Variants in ATG4B observed in about 807,000 individuals in gnomAD.
ATG4B encodes autophagy related 4B cysteine peptidase, also known as cysteine protease ATG4B.
Under a neutral mutation model 56.6 loss-of-function variants are expected in ATG4B, and 29 were observed. The observed-to-expected ratio is 0.51, with a 90% CI of 0.38 to 0.70. The LOEUF is 0.70. Among genes scored for constraint, ATG4B ranks in the 30% least tolerant of loss-of-function variants. The pLI, the probability that ATG4B is intolerant of heterozygous loss-of-function variation, is 0.00. For missense variants in ATG4B, 461 were observed against 515.5 expected (o/e 0.89, Z 1.02); for synonymous variants, 224 against 206.1 (o/e 1.09, Z -0.74).
chr2:241,653,800 A>G (rs917426677), intron 4 of ATG4B, among the ~76,000 whole-genome samples, 190 bp downstream of exon 4: 1 of 152,082 alleles, frequency 6.6e-6, no homozygotes, highest in Admixed American at 6.6e-5. Context: ...ATAAATCCGC[A>G]TGGGCAACAT....
intron 1 of ATG4B, among the ~76,000 whole-genome samples, chr2:241,645,076 T>C (rs1353897105): frequency 6.6e-6 from 1 of 152,166 alleles, no homozygotes; most frequent in East Asian, 1.9e-4. Context: ...TGGCTCCTCA[T>C]TGTGTCTTCC....
Position 241,651,425 on chromosome 2 carries a change from A to G in ATG4B, c.184+90A>G. 2.0e-6 allele frequency: 2 copies of G among 990,666 alleles called. No individual in the cohort carries two copies. Among genetic ancestry groups the G allele is most frequent in the East Asian group, 2.6e-5 (1 of 38,284 alleles). 61.4% of individuals were successfully genotyped at this position (990,666 alleles called of 1,614,324 possible). ...CTTGTAGATTTGACTTCAATATGCC[A>G]CTGACTTCATTTGAATCTTCACAGC... On this transcript the variant is annotated intron_variant, in intron 3 of 12. Transcript: ENST00000404914. This position sits in a 1 kb window ranked among gnomAD's most constrained non-coding sequence, Gnocchi z 4.1.
intron 7 of ATG4B, among the ~76,000 whole-genome samples, chr2:241,665,025 C>T (rs756580332): frequency 7.2e-5 from 11 of 152,020 alleles, no homozygotes; most frequent in Admixed American, 2.0e-4. Flanking sequence ...GAGGCTGAGG[C>T]GGGAGGATTG....
intron 6 of ATG4B, among the ~76,000 whole-genome samples, chr2:241,656,207 C>T (rs1183158423): frequency 6.6e-6 from 1 of 152,218 alleles, no homozygotes; most frequent in African/African-American, 2.4e-5. Context: ...CCACAGCCTG[C>T]TCCTCAGCAT....
At chr2:241,642,869 G>A (rs1176349370) in intron 1 of ATG4B, among the ~76,000 whole-genome samples, 3 of 49,828 alleles carry the variant, frequency 6.0e-5, no homozygotes, top group African/African-American at 3.6e-4. Context: ...GCACCTCTCC[G>A]TCCTTTTTTT....
chr2:241,637,731 A>C lies in ATG4B; in HGVS notation c.10+7A>C. 1 of 1,576,486 alleles carries C rather than the reference A, an allele frequency of 6.3e-7. No individual in the cohort carries two copies. The highest frequency in any genetic ancestry group is 2.5e-5 in the East Asian group (1 of 39,758). ...ACTGGGAAGATGGACGCAGGTGAGG[A>C]GTTGCCGGGGGTCGGTCTTTCCGCA... On this transcript the variant is annotated splice_region_variant and intron_variant, in intron 1 of 12. Transcript: ENST00000404914.
rs143067813 is a variant in ATG4B, at chr2:241,651,433, C to T, written c.184+98C>T. On this transcript the variant is annotated intron_variant, in intron 3 of 12. Transcript: ENST00000404914. The surrounding 1 kb of genome is among the most constrained non-coding windows in gnomAD (Gnocchi z 4.1). ...TTTGACTTCAATATGCCACTGACTT[C>T]ATTTGAATCTTCACAGCAATCCTGC... The T allele has an allele frequency of 3.4e-3, 3,099 of 921,616 alleles. 10 individuals are homozygous for T. The highest frequency in any genetic ancestry group is 4.6e-3 in the Non-Finnish European group (2,777 of 598,766). The allele number at this position is 921,616 out of a possible 1,614,324, so 57.1% of individuals were successfully genotyped here. A position where few individuals can be genotyped will look rare whatever the true frequency, so the allele number is the denominator to read the frequency against.
intron 1 of ATG4B, among the ~76,000 whole-genome samples, chr2:241,650,036 G>A (rs927200442): frequency 2.6e-5 from 4 of 152,054 alleles, no homozygotes; most frequent in East Asian, 1.9e-4. Context: ...TGCCCACCTC[G>A]GCCTCCCAGA....
Position 241,653,548 on chromosome 2 carries a change from G to A in ATG4B, c.221G>A (p.Cys74Tyr), listed in dbSNP as rs1470862162. 1.3e-6 allele frequency: 2 copies of A among 1,583,398 alleles called. No individual in the cohort carries two copies. The highest frequency in any genetic ancestry group is 1.3e-5 in the African/African-American group (1 of 74,386). ...TGPTSDTGWG[C>Y]MLRCGQMIFA... ...CCCACCTCGGACACAGGCTGGGGCT[G>A]CATGCTGCGGTGTGGACAGATGATC... Residue 74 changes from cysteine to tyrosine, a missense_variant, in exon 4 of 13, where the codon TGC becomes TAC. Physicochemically the swap from Cys to Tyr is radical, Grantham distance 194. Transcript: ENST00000404914.
chr2:241,650,702 C>T (rs904676643), intron 1 of ATG4B, among the ~76,000 whole-genome samples: 3 of 152,088 alleles, frequency 2.0e-5, no homozygotes, highest in South Asian at 4.1e-4. Context: ...CTCTCACCCT[C>T]GTGTCAGCTG....
chr2:241,640,917 C>T (rs749928897), intron 1 of ATG4B, among the ~76,000 whole-genome samples: 2 of 152,254 alleles, frequency 1.3e-5, no homozygotes, highest in East Asian at 1.9e-4. Flanking sequence ...AGTGAGGACT[C>T]AGTGTTTATT....
intron 12 of ATG4B, chr2:241,671,767 G>A (rs567699340): frequency 4.3e-5 from 55 of 1,289,018 alleles, no homozygotes; most frequent in South Asian, 7.8e-5. Flanking sequence ...CATGGGTGGC[G>A]TAGACCCCTC....
At position 241,642,871 on chromosome 2, in the gene ATG4B, C is replaced by CTTTTTTTTTTTTTTTTTTTTTTTTTTT. The variant is rs1321613822; in HGVS notation, c.10+5147_10+5148insTTTTTTTTTTTTTTTTTTTTTTTTTTT. Among the ~76,000 whole-genome samples the CTTTTTTTTTTTTTTTTTTTTTTTTTTT allele has an allele frequency of 6.1e-5, 6 of 98,428 alleles. 3 individuals carry two copies. The highest frequency in any genetic ancestry group is 8.5e-5 in the African/African-American group (2 of 23,504). 64.6% of individuals were successfully genotyped at this position (98,428 alleles called of 152,430 possible). ...CTTAAGGTGTACAGCACCTCTCCGT[C>CTTTTTTTTTTTTTTTTTTTTTTTTTTT]CTTTTTTTTTTTTTTTTTTTTTTTT... On this transcript the variant is annotated intron_variant, in intron 1 of 12. Transcript: ENST00000404914.
chr2:241,647,808 C>G (rs1008197900), intron 1 of ATG4B, among the ~76,000 whole-genome samples: 6 of 151,864 alleles, frequency 4.0e-5, no homozygotes, highest in Non-Finnish European at 7.4e-5. Flanking sequence ...TGATGTTTTT[C>G]AGCTCTTTAA....
At chr2:241,643,051 T>G (rs376513322) in intron 1 of ATG4B, among the ~76,000 whole-genome samples, 119 of 151,172 alleles carry the variant, frequency 7.9e-4, no homozygotes, top group African/African-American at 2.8e-3. Flanking sequence ...CCTGGCTAAC[T>G]TTTTTATATT....
intron 1 of ATG4B, among the ~76,000 whole-genome samples, chr2:241,640,987 CTG>C (rs1422676164): frequency 6.6e-6 from 1 of 152,146 alleles, no homozygotes; most frequent in East Asian, 1.9e-4. Flanking sequence ...ACATGATAGA[CTG>C]TGTTCAACAG....
At position 241,672,222 on chromosome 2, in the gene ATG4B, C is replaced by A; in HGVS notation, c.1140C>A (p.Phe380Leu). 1 of 1,586,402 alleles carries A rather than the reference C, an allele frequency of 6.3e-7. No homozygotes were observed. The highest frequency in any genetic ancestry group is 1.3e-5 in the African/African-American group (1 of 74,548). ...CTGATGTAGAGCGACTGGAAAGATT[C>A]TTCGACTCAGAAGATGAAGACTTTG... Reference protein sequence around the residue: ...DSSDVERLERFFDSEDEDFEI... With the variant: ...DSSDVERLERLFDSEDEDFEI... Residue 380 changes from phenylalanine to leucine, a missense_variant, in exon 13 of 13, where the codon TTC (phenylalanine) becomes TTA (leucine). Coordinates refer to ENST00000404914, the MANE Select transcript of ATG4B (RefSeq NM_013325.5).
intron 7 of ATG4B, among the ~76,000 whole-genome samples, chr2:241,666,032 C>T (rs1286234405): frequency 6.6e-6 from 1 of 152,244 alleles, no homozygotes; most frequent in African/African-American, 2.4e-5. Flanking sequence ...TTTGAGCCCT[C>T]CCTTATGTTC....
At position 241,668,354 on chromosome 2, in the gene ATG4B, G is replaced by T; in HGVS notation, c.811+133G>T. On this transcript the variant is annotated intron_variant, in intron 9 of 12. Transcript: ENST00000404914. This position sits in a 1 kb window ranked among gnomAD's most constrained non-coding sequence, Gnocchi z 4.2. Reference sequence around the variant, plus strand: ...CAGCATGCCCTGGGGTTCATTTTCAGCCTGGTCGCGGGCGGCCTCCTGTGT... The same window carrying T: ...CAGCATGCCCTGGGGTTCATTTTCATCCTGGTCGCGGGCGGCCTCCTGTGT... 2.2e-6 allele frequency: 3 copies of T among 1,381,482 alleles called. No homozygotes were observed. The highest frequency in any genetic ancestry group is 3.0e-6 in the Non-Finnish European group (3 of 997,784). 85.6% of individuals were successfully genotyped at this position (1,381,482 alleles called of 1,614,324 possible).
Sources: allele counts gnomAD v4.1 joint callset (sites outside exome capture counted in the v4.1 genomes callset), GRCh38; gene constraint gnomAD v4.1.1; non-coding constraint Gnocchi (gnomAD v3.1); transcripts MANE v1.5; gene names NCBI Gene and HGNC (gene_info 2026-07-23, HGNC 2026-07-21).